The following TMEM132D variants were observed in gnomAD, a reference collection of about 807,000 sequenced individuals.
TMEM132D encodes transmembrane protein 132D.
In TMEM132D, 21 loss-of-function variants were observed where a neutral mutation model predicts 62.3. That is an observed-to-expected ratio of 0.34 (90% CI 0.24 to 0.49). TMEM132D has a LOEUF of 0.49. Among genes scored for constraint, TMEM132D ranks in the 20% least tolerant of loss-of-function variants. TMEM132D has a pLI of 0.99. For synonymous variants in TMEM132D, 621 were observed against 575.6 expected (o/e 1.08, Z -1.13); for missense variants, 1,346 against 1,402.8 (o/e 0.96, Z 0.65).
At chr12:129,582,764 A>T (rs1258712347) in intron 2 of TMEM132D, among the ~76,000 whole-genome samples, 1 of 151,600 alleles carries the variant, frequency 6.6e-6, no homozygotes, top group Non-Finnish European at 1.5e-5. Context: ...GACTACAGGC[A>T]CCCATCACCA....
At chr12:129,496,751 A>G (rs1311638128) in intron 3 of TMEM132D, among the ~76,000 whole-genome samples, 1 of 152,186 alleles carries the variant, frequency 6.6e-6, no homozygotes, top group African/African-American at 2.4e-5. Context: ...CAGAGTGAAC[A>G]CTACCTATGG....
At chr12:129,738,119 T>C (rs1869486890) in intron 1 of TMEM132D, among the ~76,000 whole-genome samples, 1 of 152,258 alleles carries the variant, frequency 6.6e-6, no homozygotes, top group Non-Finnish European at 1.5e-5. Context: ...TTCAAAATCT[T>C]ATTTTAAATG....
At chr12:129,699,757 A>G (rs1881330024) in intron 2 of TMEM132D, 53 bp downstream of exon 2, 1 of 1,584,794 alleles carries the variant, frequency 6.3e-7, no homozygotes, top group Admixed American at 1.7e-5. Context: ...AGCTTCTGGA[A>G]AACACCACCT....
intron 5 of TMEM132D, among the ~76,000 whole-genome samples, chr12:129,088,489 GTCCTCCATGACCGGGA>G (rs1874750028): frequency 2.1e-5 from 1 of 47,508 alleles, no homozygotes; most frequent in Non-Finnish European, 3.5e-5. Context: ...ATGACCGGGT[GTCCTCCATGACCGGGA>G]TGTCCTCCAT....
chr12:129,325,192 T>C (rs148346895), intron 4 of TMEM132D, among the ~76,000 whole-genome samples: 1 of 152,286 alleles, frequency 6.6e-6, no homozygotes, highest in African/African-American at 2.4e-5. Flanking sequence ...TGGACAGTAG[T>C]CCAAGTGCTA....
chr12:129,873,570 G>A (rs901853606), intron 1 of TMEM132D, among the ~76,000 whole-genome samples: 7 of 152,310 alleles, frequency 4.6e-5, no homozygotes, highest in African/African-American at 1.4e-4. Flanking sequence ...CTGAACCAGC[G>A]TGAACCTGGG....
Position 129,205,487 on chromosome 12 carries a change from C to A in TMEM132D, c.1443+4033G>T, listed in dbSNP as rs566889606. Among the ~76,000 whole-genome samples, 111 of 152,084 alleles carry A rather than the reference C, an allele frequency of 7.3e-4. 1 individual carries two copies. Among genetic ancestry groups the A allele is most frequent in the Non-Finnish European group, 1.3e-3 (86 of 68,016 alleles). ...CTAATTATCCTAACTATACATGCAT[C>A]CAATTCAGGGGCATCCAAATTCATA... On this transcript the variant is annotated intron_variant, in intron 5 of 8. Transcript: ENST00000422113.
At chr12:129,144,197 C>T (rs78351153) in intron 5 of TMEM132D, among the ~76,000 whole-genome samples, 2,271 of 151,928 alleles carry the variant, frequency 0.015, 52 homozygotes, top group African/African-American at 0.052. Flanking sequence ...AGCCCCAAAC[C>T]GCTAGACCAA....
chr12:129,763,743 T>A (rs2398489), intron 1 of TMEM132D, among the ~76,000 whole-genome samples: 3 of 151,846 alleles, frequency 2.0e-5, no homozygotes, highest in Non-Finnish European at 2.9e-5. Flanking sequence ...ACAGTCACCA[T>A]GGACCCCCAA....
At chr12:129,519,255 G>A (rs12424942) in intron 3 of TMEM132D, among the ~76,000 whole-genome samples, 19,253 of 152,116 alleles carry the variant, frequency 0.13, 1,562 homozygotes, top group Admixed American at 0.26. Context: ...GTTGAACCTC[G>A]GGGACTACCA....
intron 4 of TMEM132D, among the ~76,000 whole-genome samples, chr12:129,235,363 T>A (rs917188816): frequency 1.3e-5 from 2 of 151,620 alleles, no homozygotes; most frequent in African/African-American, 4.8e-5. Context: ...TCATTCACAC[T>A]CTTTTGTGGG....
chr12:129,599,437 G>A (rs1350532709), intron 2 of TMEM132D, among the ~76,000 whole-genome samples: 1 of 152,206 alleles, frequency 6.6e-6, no homozygotes, highest in Non-Finnish European at 1.5e-5. Context: ...CCAGTCAAAT[G>A]ACAGTGAATT....
At chr12:129,654,655 C>T (rs577606102) in intron 2 of TMEM132D, among the ~76,000 whole-genome samples, 233 of 152,254 alleles carry the variant, frequency 1.5e-3, no homozygotes, top group Admixed American at 4.8e-3. Context: ...GTATAGTTTC[C>T]GGAGGTGGCA....
At chr12:129,099,746 G>T (rs1266034342) in intron 5 of TMEM132D, among the ~76,000 whole-genome samples, 2 of 152,238 alleles carry the variant, frequency 1.3e-5, no homozygotes, top group African/African-American at 4.8e-5. Context: ...GCAGAAATCT[G>T]CAACATCCTG....
chr12:129,693,892 T>A (rs991513824), intron 2 of TMEM132D, among the ~76,000 whole-genome samples: 2 of 152,086 alleles, frequency 1.3e-5, no homozygotes, highest in Non-Finnish European at 2.9e-5. Flanking sequence ...CCAGAGGACC[T>A]CCCCCAGACA....
chr12:129,849,464 C>T (rs778162774), intron 1 of TMEM132D, among the ~76,000 whole-genome samples: 2 of 152,164 alleles, frequency 1.3e-5, no homozygotes, highest in Admixed American at 6.5e-5. Flanking sequence ...TTACAAAAAT[C>T]GAATTCCTTT....
intron 5 of TMEM132D, among the ~76,000 whole-genome samples, chr12:129,185,861 T>C (rs1485014409): frequency 6.6e-6 from 1 of 152,146 alleles, no homozygotes; most frequent in African/African-American, 2.4e-5. Flanking sequence ...CCACTTTGCT[T>C]TGAAATGGAG....
intron 4 of TMEM132D, among the ~76,000 whole-genome samples, chr12:129,229,956 C>T (rs979952991): frequency 2.6e-5 from 4 of 152,238 alleles, no homozygotes; most frequent in Non-Finnish European, 5.9e-5. Flanking sequence ...TTCTTGCCTT[C>T]ACCAGACAAC....
At chr12:129,389,524 C>G (rs1253776442) in intron 3 of TMEM132D, among the ~76,000 whole-genome samples, 3 of 152,100 alleles carry the variant, frequency 2.0e-5, no homozygotes, top group Non-Finnish European at 4.4e-5. Context: ...AACACTAACT[C>G]CAACACCAAC....
Sources: gnomAD v4.1 joint callset for allele counts (sites outside exome capture counted in the v4.1 genomes callset) on GRCh38, gnomAD v4.1.1 for gene constraint, MANE v1.5 for transcripts, NCBI Gene and HGNC (gene_info 2026-07-23, HGNC 2026-07-21) for gene names.